TMEM234: variants seen among roughly 807,000 people sequenced by gnomAD.
The protein encoded by TMEM234 is chromosome 1 open reading frame 91.
Under a neutral mutation model 17.8 loss-of-function variants are expected in TMEM234, and 21 were observed. The ratio of observed to expected loss-of-function variants is 1.18; its 90% CI spans 0.84 to 1.70. The LOEUF is 1.70. TMEM234 is among the 40% of genes most tolerant of loss of function. TMEM234 has a pLI of 0.00. For synonymous variants in TMEM234, 83 were observed against 73.5 expected, an observed-to-expected ratio of 1.13 and a Z score of -0.66; for missense variants, 137 against 166.9, an observed-to-expected ratio of 0.82 and a Z score of 0.99.
intron 4 of TMEM234, 57 bp downstream of exon 4, chr1:32,217,202 C>T: frequency 6.2e-7 from 1 of 1,614,096 alleles, no homozygotes; most frequent in Non-Finnish European, 8.5e-7. Flanking sequence ...AAGGAACTAA[C>T]ACAGGTATGT....
chr1:32,217,890 G>A (rs1638554619), intron 3 of TMEM234, among the ~76,000 whole-genome samples: 1 of 152,238 alleles, frequency 6.6e-6, no homozygotes, highest in South Asian at 2.1e-4. Flanking sequence ...AGCCTGCGCC[G>A]TTATTAAACT....
downstream of TMEM234, chr1:32,215,458 G>A: frequency 6.2e-7 from 1 of 1,612,970 alleles, no homozygotes; most frequent in South Asian, 1.1e-5. Context: ...GGAGTATATG[G>A]AGCTCCCCAC....
chr1:32,214,732 A>G, downstream of TMEM234: 1 of 1,600,890 alleles, frequency 6.2e-7, no homozygotes, highest in Non-Finnish European at 8.5e-7. Context: ...TGAAGCCTGA[A>G]CTGGGGAGTA....
At position 32,216,921 on chromosome 1, in the gene TMEM234, C is replaced by T. The variant is rs751342645; in HGVS notation, c.355G>A (p.Val119Met). The change falls in exon 5 of 5, where the codon GTG (valine) becomes ATG (methionine). Residue 119 changes from valine (V) to methionine (M), a missense_variant. By Grantham distance (21) the Val-to-Met change is conservative. Transcript: ENST00000309777. ...GTGATGCAGAGTGAAATTCCTATCA[C>T]GGTGAGCACCATGCCAGCAACTGCT... ...KRAVAGMVLTVIGISLCITSS... is the reference protein window; with the variant it reads ...KRAVAGMVLTMIGISLCITSS... 26 of 1,614,058 alleles carry T rather than the reference C, an allele frequency of 1.6e-5. No homozygotes were observed. The Middle Eastern group carries it at 4.9e-4, about 31-fold the overall frequency.
Position 32,216,503 on chromosome 1 carries a change from T to C in TMEM234, c.*350A>G. 1 of 1,551,770 alleles carries C rather than the reference T, an allele frequency of 6.4e-7. No individual in the cohort carries two copies. The highest frequency in any genetic ancestry group is 8.7e-7 in the Non-Finnish European group (1 of 1,147,012). On this transcript the variant is annotated 3_prime_UTR_variant, in exon 5 of 5. Transcript: ENST00000309777. ...GGCCCTTTCCATGCAGCTGGAGTTC[T>C]GCAGTCCATGGAACCTGCCACCATG...
chr1:32,217,418 C>G, intron 3 of TMEM234, 67 bp from the exon 4 acceptor site: 2 of 1,586,944 alleles, frequency 1.3e-6, no homozygotes, highest in South Asian at 2.3e-5. Flanking sequence ...AAAACACTTC[C>G]ATCATCATCA....
chr1:32,221,758 G>C, intron 2 of TMEM234, 109 bp downstream of exon 2: 1 of 1,466,012 alleles, frequency 6.8e-7, no homozygotes, highest in East Asian at 2.3e-5. Context: ...TGACTTTTCC[G>C]AGAATTTCTA....
rs1264939674 is a variant in TMEM234 at position 32,221,500 on chromosome 1, C to T, written c.169-303G>A. 2.6e-5 allele frequency among the ~76,000 whole-genome samples: 4 copies of T among 152,182 alleles called. No homozygotes were observed. In the East Asian group the frequency reaches 7.7e-4, roughly 29 times the overall value. On this transcript the variant is annotated intron_variant, in intron 2 of 4. Coordinates refer to ENST00000309777, the MANE Select transcript of TMEM234 (RefSeq NM_019118.5). ...CCAGCTCCAGCCTTCCTCCTCTGAACTCCTCCCCTGCAGGGCCAATTTGAG... is the reference window on the plus strand; with the variant it reads ...CCAGCTCCAGCCTTCCTCCTCTGAATTCCTCCCCTGCAGGGCCAATTTGAG...
chr1:32,217,817 C>T (rs966847939), intron 3 of TMEM234, among the ~76,000 whole-genome samples: 8 of 152,188 alleles, frequency 5.3e-5, no homozygotes, highest in Admixed American at 4.6e-4. Flanking sequence ...GAAACAAAGG[C>T]TCAAAGAAGT....
At chr1:32,219,114 A>AC (rs1052849206) in intron 3 of TMEM234, among the ~76,000 whole-genome samples, 3 of 147,480 alleles carry the variant, frequency 2.0e-5, no homozygotes, top group African/African-American at 7.3e-5. Flanking sequence ...TGCCGTCTCA[A>AC]AAAAAAAAAA....
At chr1:32,217,127 G>T (rs1484004820) in intron 4 of TMEM234, 132 bp downstream of exon 4, 1 of 1,578,344 alleles carries the variant, frequency 6.3e-7, no homozygotes, top group African/African-American at 1.4e-5. Flanking sequence ...CAAAACAGCT[G>T]CAGAGGAAAG....
chr1:32,218,144 T>C (rs2124229964), intron 3 of TMEM234, among the ~76,000 whole-genome samples: 1 of 152,308 alleles, frequency 6.6e-6, no homozygotes, highest in South Asian at 2.1e-4. Context: ...TGGAGTTGGC[T>C]GGGTGCAGGG....
In TMEM234 at chr1:32,216,332, G is replaced by A. The variant is rs904993770; in HGVS notation, c.*521C>T. 1.6e-5 allele frequency: 24 copies of A among 1,533,064 alleles called. No individual in the cohort carries two copies. Among genetic ancestry groups the A allele is most frequent in the Non-Finnish European group, 2.0e-5 (23 of 1,136,726 alleles). The allele number at this position is 1,533,064 out of a possible 1,614,324, so 95.0% of individuals were successfully genotyped here. On this transcript the variant is annotated 3_prime_UTR_variant, in exon 5 of 5. Transcript: ENST00000309777. Reference sequence around the variant, plus strand: ...GATTTCTGCCTACCTCATGGGTGGGGCAGGCAAGGCTAATAGACAGCTCAT... The same window carrying A: ...GATTTCTGCCTACCTCATGGGTGGGACAGGCAAGGCTAATAGACAGCTCAT...
chr1:32,216,527 T>A lies in TMEM234; in HGVS notation c.*326A>T, dbSNP rs1638400733. 6.4e-7 allele frequency: 1 copy of A among 1,551,682 alleles called. No homozygotes were observed. The highest frequency in any genetic ancestry group is 2.0e-5 in the Admixed American group (1 of 50,994). ...CTGCAGTCCATGGAACCTGCCACCA[T>A]GATAGTCCAGATCAGGCCACAGTAA... On this transcript the variant is annotated 3_prime_UTR_variant, in exon 5 of 5. Coordinates refer to ENST00000309777, the MANE Select transcript of TMEM234 (RefSeq NM_019118.5).
intron 4 of TMEM234, 131 bp downstream of exon 4, chr1:32,217,128 C>A: frequency 5.1e-6 from 8 of 1,579,254 alleles, no homozygotes; most frequent in Non-Finnish European, 6.9e-6. Flanking sequence ...AAAACAGCTG[C>A]AGAGGAAAGG....
Position 32,221,984 on chromosome 1 carries a change from C to A in TMEM234, c.51G>T (p.Leu17=). 2 of 1,612,462 alleles carry A rather than the reference C, an allele frequency of 1.2e-6. No homozygotes were observed. Among genetic ancestry groups the A allele is most frequent in the East Asian group, 4.5e-5 (2 of 44,882 alleles). Residue 17 remains leucine, a synonymous_variant, in exon 2 of 5, where the codon CTG becomes CTT. Coordinates refer to ENST00000309777, the MANE Select transcript of TMEM234 (RefSeq NM_019118.5). ...TCAGCAGCGGCTGCGTGCCACCCCA[C>A]AGAGCGGCCACCAGCACCAGAGCCA... ...QVLALVLVAA[L]WGGTQPLLKR...
Position 32,216,683 on chromosome 1 carries a change from T to C in TMEM234, c.*170A>G, listed in dbSNP as rs1245827015. 6.7e-7 allele frequency: 1 copy of C among 1,493,360 alleles called. No homozygotes were observed. Among genetic ancestry groups the C allele is most frequent in the East Asian group, 2.5e-5 (1 of 40,288 alleles). 92.5% of individuals were successfully genotyped at this position (1,493,360 alleles called of 1,614,324 possible). ...GAACAGCACTTGAAGGTTACAAAACTCTTTCACTCTTGTTCTCTTATTGTG... is the reference window on the plus strand; with the variant it reads ...GAACAGCACTTGAAGGTTACAAAACCCTTTCACTCTTGTTCTCTTATTGTG... On this transcript the variant is annotated 3_prime_UTR_variant, in exon 5 of 5. Coordinates refer to ENST00000309777, the MANE Select transcript of TMEM234 (RefSeq NM_019118.5).
chr1:32,214,661 G>A (rs1339257546), downstream of TMEM234: 5 of 1,287,584 alleles, frequency 3.9e-6, no homozygotes, highest in African/African-American at 1.5e-5. Context: ...GAGGGAGGAC[G>A]TACTTTGTGA....
At chr1:32,217,117 C>T in intron 4 of TMEM234, 142 bp downstream of exon 4, 1 of 1,571,792 alleles carries the variant, frequency 6.4e-7, no homozygotes, top group South Asian at 1.1e-5. Flanking sequence ...CACAAGGAAG[C>T]AAAACAGCTG....
Sources: allele counts gnomAD v4.1 joint callset (sites outside exome capture counted in the v4.1 genomes callset), GRCh38; gene constraint gnomAD v4.1.1; transcripts MANE v1.5; gene names NCBI Gene and HGNC (gene_info 2026-07-23, HGNC 2026-07-21).